HIGD1C: variants seen among roughly 807,000 people sequenced by gnomAD.
HIGD1C encodes HIG1 domain family member 1C.
In HIGD1C, 11 loss-of-function variants were observed where a neutral mutation model predicts 13.1. That is an observed-to-expected ratio of 0.84 (90% CI 0.53 to 1.39). HIGD1C has a LOEUF of 1.39. Among genes scored for constraint, HIGD1C ranks in the 40% most tolerant of loss-of-function variants. HIGD1C has a pLI of 0.00. For missense variants in HIGD1C, 110 were observed against 112.0 expected (o/e 0.98, Z 0.08); for synonymous variants, 36 against 37.7 (o/e 0.95, Z 0.17).
At chr12:50,945,333 T>C in the HIGD1C span, among the ~76,000 whole-genome samples, 3 of 152,132 alleles carry the variant, frequency 2.0e-5, no homozygotes, top group Admixed American at 6.5e-5. Context: ...ATTTAGAAAA[T>C]CCCATCGTCT....
chr12:50,954,053 C>T, exon 1 of HIGD1C: 1 of 1,613,270 alleles, frequency 6.2e-7, no homozygotes. Context: ...ATTATCCCGA[C>T]TAATCAGGAA....
At chr12:50,933,784 G>A in the HIGD1C span, among the ~76,000 whole-genome samples, 467 of 152,336 alleles carry the variant, frequency 3.1e-3, 1 homozygote, top group Non-Finnish European at 4.7e-3. Flanking sequence ...CAACCACAGG[G>A]GGAACCTAAG....
intron 1 of HIGD1C, among the ~76,000 whole-genome samples, chr12:50,957,937 GGTGTGTGTGTGTGT>G (rs71089717): frequency 5.2e-4 from 69 of 132,406 alleles, no homozygotes; most frequent in Admixed American, 1.2e-3. Flanking sequence ...ATGAATTGGA[GGTGTGTGTGTGTGT>G]GTGTGTGTGT....
At chr12:50,957,216 C>CT (rs35884257) in intron 1 of HIGD1C, among the ~76,000 whole-genome samples, 21,719 of 145,786 alleles carry the variant, frequency 0.15, 1,762 homozygotes, top group South Asian at 0.26. Context: ...GCTTTTTTTT[C>CT]TTTTTTTTTT....
chr12:50,953,834 G>A, upstream of HIGD1C: 1 of 538,302 alleles, frequency 1.9e-6, no homozygotes, highest in South Asian at 2.6e-5. Flanking sequence ...ATTCGGTAGT[G>A]AAAAGTGTGA....
At chr12:50,962,126 C>A (rs1939353292) in intron 2 of HIGD1C, among the ~76,000 whole-genome samples, 1 of 152,206 alleles carries the variant, frequency 6.6e-6, no homozygotes, top group Non-Finnish European at 1.5e-5. Flanking sequence ...TGGCTTGCAC[C>A]TGTGATCCCA....
At chr12:50,953,504 C>G (rs1938975093), upstream of HIGD1C, among the ~76,000 whole-genome samples, 1 of 152,216 alleles carries the variant, frequency 6.6e-6, no homozygotes, top group Non-Finnish European at 1.5e-5. Flanking sequence ...TGGTAAATAT[C>G]TGAATGACTT....
At chr12:50,963,241 A>G (rs891348838) in intron 2 of HIGD1C, among the ~76,000 whole-genome samples, 1 of 151,728 alleles carries the variant, frequency 6.6e-6, no homozygotes, top group Non-Finnish European at 1.5e-5. Context: ...GTAGTGGTGC[A>G]TGCCTGTAAT....
intron 2 of HIGD1C, 84 bp from the exon 5 acceptor site, chr12:50,970,356 TAG>T (rs1939717756): frequency 1.3e-6 from 1 of 753,062 alleles, no homozygotes; most frequent in Non-Finnish European, 2.3e-6. Context: ...AATTGTGGGC[TAG>T]TTTCATAAAA....
At chr12:50,936,301 G>A in the HIGD1C span, among the ~76,000 whole-genome samples, 3 of 151,970 alleles carry the variant, frequency 2.0e-5, no homozygotes, top group Non-Finnish European at 4.4e-5. Context: ...ATAGAGACAG[G>A]ATCTTGCTAT....
At chr12:50,942,243 C>T in the HIGD1C span, among the ~76,000 whole-genome samples, 1 of 152,282 alleles carries the variant, frequency 6.6e-6, no homozygotes, top group African/African-American at 2.4e-5. Flanking sequence ...GGACCTTTTA[C>T]CCCAAATCTG....
the HIGD1C span, among the ~76,000 whole-genome samples, chr12:50,947,240 T>A: frequency 3.9e-5 from 6 of 152,344 alleles, no homozygotes; most frequent in South Asian, 8.3e-4. Flanking sequence ...GCTGCTCTAA[T>A]GTATTACCAT....
the HIGD1C span, among the ~76,000 whole-genome samples, chr12:50,933,565 C>T: frequency 1.3e-5 from 2 of 152,258 alleles, no homozygotes; most frequent in Non-Finnish European, 2.9e-5. Flanking sequence ...GTCCTCCCCT[C>T]TGCTCTATTA....
At chr12:50,934,022 C>T in the HIGD1C span, among the ~76,000 whole-genome samples, 2 of 152,210 alleles carry the variant, frequency 1.3e-5, no homozygotes, top group African/African-American at 4.8e-5. Context: ...GGAGATACAG[C>T]CCTGGCATTC....
At chr12:50,962,873 A>T (rs1197362189) in intron 2 of HIGD1C, among the ~76,000 whole-genome samples, 1 of 152,148 alleles carries the variant, frequency 6.6e-6, no homozygotes, top group Non-Finnish European at 1.5e-5. Context: ...AGAGGAAAAA[A>T]CAAAGGCACA....
At chr12:50,957,216 CTT>C (rs35884257) in intron 1 of HIGD1C, among the ~76,000 whole-genome samples, 1 of 145,864 alleles carries the variant, frequency 6.9e-6, no homozygotes. Context: ...GCTTTTTTTT[CTT>C]TTTTTTTTTA....
chr12:50,957,937 G>GGGGT (rs1464920302), intron 1 of HIGD1C, among the ~76,000 whole-genome samples: 27 of 132,502 alleles, frequency 2.0e-4, no homozygotes, highest in Middle Eastern at 3.6e-3. Context: ...ATGAATTGGA[G>GGGGT]GTGTGTGTGT....
chr12:50,958,305 G>A (rs1042914062), intron 1 of HIGD1C, among the ~76,000 whole-genome samples: 10 of 143,194 alleles, frequency 7.0e-5, no homozygotes, highest in East Asian at 2.0e-4. Context: ...TTTTTTAGAC[G>A]GAGTCTTGCT....
At chr12:50,939,017 A>G in the HIGD1C span, among the ~76,000 whole-genome samples, 1 of 152,160 alleles carries the variant, frequency 6.6e-6, no homozygotes, top group Non-Finnish European at 1.5e-5. Context: ...ATAAGCACCA[A>G]TATCTGATCT....
Sources: gnomAD v4.1 joint callset for allele counts (sites outside exome capture counted in the v4.1 genomes callset) on GRCh38, gnomAD v4.1.1 for gene constraint, MANE v1.5 for transcripts, NCBI Gene and HGNC (gene_info 2026-07-23, HGNC 2026-07-21) for gene names.